Variants in SH2D4A observed in about 807,000 individuals in gnomAD.
The protein encoded by SH2D4A is SH2 domain-containing protein 4A.
In SH2D4A, 70 loss-of-function variants were observed where a neutral mutation model predicts 64.7. The observed-to-expected ratio is 1.08, with a 90% CI of 0.89 to 1.32. The LOEUF (loss-of-function observed/expected upper bound fraction) is 1.32. Among genes scored for constraint, SH2D4A ranks in the 40% most tolerant of loss-of-function variants. The pLI is 0.00. For missense variants in SH2D4A, 706 were observed against 540.1 expected (o/e 1.31, Z -3.04); for synonymous variants, 268 against 200.7 (o/e 1.34, Z -2.83).
chr8:19,369,890 G>A (rs576971200), intron 7 of SH2D4A, among the ~76,000 whole-genome samples: 1 of 151,824 alleles, frequency 6.6e-6, no homozygotes, highest in African/African-American at 2.4e-5. Flanking sequence ...AGTTCTTGTG[G>A]TACAACAATA....
intron 4 of SH2D4A, among the ~76,000 whole-genome samples, chr8:19,348,604 T>G (rs2052648416): frequency 6.6e-6 from 1 of 152,164 alleles, no homozygotes; most frequent in African/African-American, 2.4e-5. Flanking sequence ...AAAGGAGAGA[T>G]TCAGAAGAGA....
chr8:19,321,536 A>G (rs945653612), intron 2 of SH2D4A, among the ~76,000 whole-genome samples: 2 of 152,242 alleles, frequency 1.3e-5, no homozygotes, highest in Non-Finnish European at 2.9e-5. Flanking sequence ...TAAGTTGAGT[A>G]ATATATGCAA....
At chr8:19,330,018 T>C (rs1380547530) in intron 2 of SH2D4A, among the ~76,000 whole-genome samples, 1 of 152,216 alleles carries the variant, frequency 6.6e-6, no homozygotes, top group Non-Finnish European at 1.5e-5. Context: ...CCTAATGTCT[T>C]GCTCCTTCTC....
chr8:19,335,397 A>G (rs1365873693), intron 4 of SH2D4A, among the ~76,000 whole-genome samples: 1 of 152,188 alleles, frequency 6.6e-6, no homozygotes, highest in South Asian at 2.1e-4. Flanking sequence ...TGAAAGTAAC[A>G]AGAACGCTAG....
intron 7 of SH2D4A, among the ~76,000 whole-genome samples, chr8:19,365,701 G>C (rs1338642606): frequency 6.6e-6 from 1 of 152,124 alleles, no homozygotes; most frequent in Non-Finnish European, 1.5e-5. Context: ...TCCAACTGAA[G>C]ACACTGCATG....
chr8:19,371,049 C>T (rs117511223), intron 7 of SH2D4A, among the ~76,000 whole-genome samples: 151 of 152,216 alleles, frequency 9.9e-4, no homozygotes, highest in Non-Finnish European at 1.7e-3. Flanking sequence ...TGATGACTTA[C>T]ATTTTTATAT....
chr8:19,340,169 T>C (rs1228538738), intron 4 of SH2D4A, among the ~76,000 whole-genome samples: 2 of 151,246 alleles, frequency 1.3e-5, no homozygotes, highest in Non-Finnish European at 2.9e-5. Context: ...GGAGGGAAAG[T>C]GGGCTTTGGA....
chr8:19,373,680 C>A lies in SH2D4A; in HGVS notation c.1048+20C>A. The A allele has an allele frequency of 6.2e-7, 1 of 1,611,446 alleles. No homozygotes were observed. Among genetic ancestry groups the A allele is most frequent in the Non-Finnish European group, 8.5e-7 (1 of 1,178,578 alleles). ...TCCATGGTGAGTGCAGAGATTTCCT[C>A]AATGGTGTTTCGTCTTAGGGCGGAT... is the stretch of plus-strand genomic sequence containing the variant. On this transcript the variant is annotated intron_variant, in intron 8 of 9. Coordinates refer to ENST00000265807, the MANE Select transcript of SH2D4A (RefSeq NM_022071.4).
At chr8:19,390,163 T>C (rs760200556) in intron 8 of SH2D4A, among the ~76,000 whole-genome samples, 1 of 152,078 alleles carries the variant, frequency 6.6e-6, no homozygotes, top group Non-Finnish European at 1.5e-5. Flanking sequence ...GGCAGATCAT[T>C]TGAGGCCAGG....
intron 4 of SH2D4A, among the ~76,000 whole-genome samples, chr8:19,339,294 C>T (rs2052490286): frequency 6.6e-6 from 1 of 152,158 alleles, no homozygotes; most frequent in Non-Finnish European, 1.5e-5. Context: ...CTGCCTTTCC[C>T]AGTCCACTGA....
chr8:19,394,573 G>A lies in SH2D4A; in HGVS notation c.1296G>A (p.Gly432=). ...YHKEEPITSL[G]KELLLYPCGQ... ...AGGAGGAACCCATCACTTCCCTGGGGAAGGAGCTCCTTCTCTATCCCTGTG... is the reference window on the plus strand; with the variant it reads ...AGGAGGAACCCATCACTTCCCTGGGAAAGGAGCTCCTTCTCTATCCCTGTG... Residue 432 remains glycine (G), a synonymous_variant, in exon 10 of 10, where the codon GGG becomes GGA. Coordinates refer to ENST00000265807, the MANE Select transcript of SH2D4A (RefSeq NM_022071.4). 1 of 1,607,856 alleles carries A rather than the reference G, an allele frequency of 6.2e-7. No individual in the cohort carries two copies. The highest frequency in any genetic ancestry group is 8.5e-7 in the Non-Finnish European group (1 of 1,176,612).
At chr8:19,391,271 C>G (rs557202630) in intron 8 of SH2D4A, among the ~76,000 whole-genome samples, 1 of 152,136 alleles carries the variant, frequency 6.6e-6, no homozygotes, top group Non-Finnish European at 1.5e-5. Context: ...GGGAAATAGA[C>G]AAACAGAAGG....
chr8:19,371,719 T>C (rs1563206171), intron 7 of SH2D4A, among the ~76,000 whole-genome samples: 1 of 152,218 alleles, frequency 6.6e-6, no homozygotes, highest in East Asian at 1.9e-4. Flanking sequence ...TTTGATGTTG[T>C]CCCACAGACC....
At chr8:19,380,239 A>G (rs1184811777) in intron 8 of SH2D4A, among the ~76,000 whole-genome samples, 1 of 152,174 alleles carries the variant, frequency 6.6e-6, no homozygotes, top group African/African-American at 2.4e-5. Context: ...TTGAATTATG[A>G]GAGTTTTCTA....
chr8:19,340,331 A>G (rs2052509626), intron 4 of SH2D4A, among the ~76,000 whole-genome samples: 1 of 152,136 alleles, frequency 6.6e-6, no homozygotes, highest in Admixed American at 6.5e-5. Flanking sequence ...ATTATCGAGC[A>G]AAGGGTTGAG....
intron 8 of SH2D4A, among the ~76,000 whole-genome samples, chr8:19,382,303 T>C (rs528941511): frequency 6.6e-6 from 1 of 152,276 alleles, no homozygotes; most frequent in South Asian, 2.1e-4. Flanking sequence ...GGATTCTTGA[T>C]TGACAGTTAT....
At chr8:19,391,802 A>G (rs535729106) in intron 8 of SH2D4A, among the ~76,000 whole-genome samples, 2 of 152,348 alleles carry the variant, frequency 1.3e-5, no homozygotes, top group South Asian at 4.1e-4. Flanking sequence ...TTCACTTCTC[A>G]ATTAGCTGTA....
chr8:19,315,074 G>GT (rs1563179609), intron 1 of SH2D4A, among the ~76,000 whole-genome samples: 1 of 75,910 alleles, frequency 1.3e-5, no homozygotes, highest in East Asian at 3.7e-4. Context: ...CGGTTTTTAC[G>GT]TAAAAAAAAC....
Position 19,364,082 on chromosome 8 carries a change from C to A in SH2D4A, c.717C>A (p.Ser239=), listed in dbSNP as rs1400148171. ...CCGTTGTTTTTCCAGTGCGAAAATC[C>A]AAAGCAGCTGATGAGAAGAGACGCT... ...DSEWQASLRK[S]KAADEKRRSL... is the part of the protein sequence containing the mutation. The change falls in exon 7 of 10, where the codon TCC becomes TCA. Residue 239 remains serine (S), a synonymous_variant. Coordinates refer to ENST00000265807, the MANE Select transcript of SH2D4A (RefSeq NM_022071.4). 6.2e-7 allele frequency: 1 copy of A among 1,613,874 alleles called. No homozygotes were observed. Among genetic ancestry groups the A allele is most frequent in the Admixed American group, 1.7e-5 (1 of 60,004 alleles).
Sources: allele counts gnomAD v4.1 joint callset (sites outside exome capture counted in the v4.1 genomes callset), GRCh38; gene constraint gnomAD v4.1.1; transcripts MANE v1.5; gene names NCBI Gene and HGNC (gene_info 2026-07-23, HGNC 2026-07-21).